Variants in ZNF385D observed in about 807,000 individuals in gnomAD.
ZNF385D encodes zinc finger protein 385D.
Under a neutral mutation model 35.8 loss-of-function variants are expected in ZNF385D, and 15 were observed. The observed-to-expected ratio is 0.42, with a 90% CI of 0.28 to 0.64. ZNF385D has a LOEUF of 0.64. ZNF385D is among the 30% of genes least tolerant of loss of function. The pLI is 0.23. For synonymous variants in ZNF385D, 212 were observed against 186.8 expected, an observed-to-expected ratio of 1.13 and a Z score of -1.10; for missense variants, 474 against 494.6, an observed-to-expected ratio of 0.96 and a Z score of 0.39.
intron 2 of ZNF385D, chr3:22,372,435 T>G: frequency 1.0e-6 from 1 of 985,466 alleles, no homozygotes; most frequent in Non-Finnish European, 1.2e-6. Context: ...ACACCTCTTT[T>G]TGCACTCAAC....
upstream of ZNF385D, among the ~76,000 whole-genome samples, chr3:21,755,937 G>A (rs1420883654): frequency 6.6e-6 from 1 of 152,200 alleles, no homozygotes; most frequent in South Asian, 2.1e-4. Context: ...CTAGAGTAGA[G>A]TAGATCTTAA....
intron 3 of ZNF385D, among the ~76,000 whole-genome samples, chr3:22,042,005 G>C (rs561385418): frequency 6.6e-6 from 1 of 152,242 alleles, no homozygotes; most frequent in Non-Finnish European, 1.5e-5. Context: ...CCTTACAAAA[G>C]TTGGAAATGT....
chr3:21,980,289 A>C (rs1576071457), intron 3 of ZNF385D, among the ~76,000 whole-genome samples: 1 of 152,286 alleles, frequency 6.6e-6, no homozygotes, highest in East Asian at 1.9e-4. Flanking sequence ...ACTTCACAAG[A>C]AACCGTGAAC....
chr3:22,060,441 T>C (rs1699631973), intron 3 of ZNF385D, among the ~76,000 whole-genome samples: 1 of 152,178 alleles, frequency 6.6e-6, no homozygotes, highest in African/African-American at 2.4e-5. Flanking sequence ...ATGAATAAAG[T>C]AATAATGAAG....
At chr3:22,193,879 G>A (rs1030573748) in intron 2 of ZNF385D, among the ~76,000 whole-genome samples, 5 of 151,978 alleles carry the variant, frequency 3.3e-5, no homozygotes, top group Admixed American at 6.6e-5. Flanking sequence ...GATTATAACC[G>A]CTTTTAGAAT....
chr3:21,815,446 TAAAG>T (rs899800183), intron 3 of ZNF385D, among the ~76,000 whole-genome samples: 5 of 151,908 alleles, frequency 3.3e-5, no homozygotes, highest in African/African-American at 1.2e-4. Flanking sequence ...GCAAGACTAA[TAAAG>T]AAGAAAAGAG....
chr3:21,771,543 GACAAAAAC>G (rs1382255159), intron 3 of ZNF385D, among the ~76,000 whole-genome samples: 1 of 151,704 alleles, frequency 6.6e-6, no homozygotes, highest in African/African-American at 2.4e-5. Flanking sequence ...AACTCTACCA[GACAAAAAC>G]TTCAACACAA....
intron 4 of ZNF385D, among the ~76,000 whole-genome samples, chr3:21,497,248 A>G (rs1327275362): frequency 6.6e-6 from 1 of 152,202 alleles, no homozygotes; most frequent in Non-Finnish European, 1.5e-5. Flanking sequence ...ATTCCTACAC[A>G]CAAACAACAT....
At chr3:21,795,046 T>G (rs1430712323) in intron 3 of ZNF385D, among the ~76,000 whole-genome samples, 2 of 152,226 alleles carry the variant, frequency 1.3e-5, no homozygotes, top group African/African-American at 4.8e-5. Flanking sequence ...TGTATCAAAT[T>G]ATTTGTACCT....
Position 21,526,004 on chromosome 3 carries a change from T to C in ZNF385D, c.277-14981A>G, listed in dbSNP as rs894519637. ...CAAGTGCACAAATATGATTAGCTTT[T>C]GCAAATTGCTCCTTATTCTGTTACT... is the stretch of plus-strand genomic sequence containing the variant. On this transcript the variant is annotated intron_variant, in intron 3 of 7. Coordinates refer to ENST00000281523, the MANE Select transcript of ZNF385D (RefSeq NM_024697.3). Among the ~76,000 whole-genome samples the C allele has an allele frequency of 3.3e-5, 5 of 152,178 alleles. No homozygotes were observed. The East Asian group carries it at 9.7e-4, about 29-fold the overall frequency.
intron 3 of ZNF385D, among the ~76,000 whole-genome samples, chr3:21,993,745 C>T (rs996498429): frequency 6.6e-6 from 1 of 152,124 alleles, no homozygotes; most frequent in Non-Finnish European, 1.5e-5. Flanking sequence ...TCCTGCAGAT[C>T]ATTTGAAGCA....
intron 2 of ZNF385D, among the ~76,000 whole-genome samples, chr3:21,610,409 T>G (rs910925409): frequency 2.0e-5 from 3 of 152,124 alleles, no homozygotes; most frequent in African/African-American, 7.2e-5. Context: ...CCATAATAGG[T>G]CTACTGTGAT....
intron 2 of ZNF385D, among the ~76,000 whole-genome samples, chr3:21,589,824 TA>T (rs999477981): frequency 6.6e-6 from 1 of 152,032 alleles, no homozygotes. Flanking sequence ...TACATACATT[TA>T]AAAAAATGTA....
intron 4 of ZNF385D, among the ~76,000 whole-genome samples, chr3:21,453,994 A>G (rs754836567): frequency 6.6e-6 from 1 of 152,150 alleles, no homozygotes; most frequent in Admixed American, 6.6e-5. Flanking sequence ...GTATTTCTAT[A>G]AATAGAATAT....
chr3:21,954,302 A>T (rs548600471), intron 3 of ZNF385D, among the ~76,000 whole-genome samples: 3 of 151,994 alleles, frequency 2.0e-5, no homozygotes, highest in South Asian at 2.1e-4. Context: ...AGCAGATGAA[A>T]TTTGTCTCTA....
intron 3 of ZNF385D, among the ~76,000 whole-genome samples, chr3:21,943,274 ATG>A (rs147366894): frequency 1.1e-3 from 163 of 149,834 alleles, no homozygotes; most frequent in Non-Finnish European, 1.6e-3. Flanking sequence ...CTATATTTGA[ATG>A]TGTGTGTGTG....
intron 3 of ZNF385D, among the ~76,000 whole-genome samples, chr3:21,787,934 T>TCTGAATTACC (rs2071761295): frequency 1.0e-5 from 1 of 97,962 alleles, no homozygotes; most frequent in African/African-American, 3.8e-5. Flanking sequence ...AGAGCGAGAC[T>TCTGAATTACC]TCGTCTCAAC....
chr3:21,675,920 C>T (rs1405564264), intron 1 of ZNF385D, among the ~76,000 whole-genome samples: 1 of 152,020 alleles, frequency 6.6e-6, no homozygotes, highest in Non-Finnish European at 1.5e-5. Context: ...TTGCATTCAA[C>T]GTAACTAATT....
At chr3:22,123,060 A>G (rs55714387) in intron 3 of ZNF385D, among the ~76,000 whole-genome samples, 38,789 of 152,108 alleles carry the variant, frequency 0.26, 5,360 homozygotes, top group African/African-American at 0.35. Context: ...TTTGAGCAAA[A>G]GAAGAATAGC....
Sources: allele counts gnomAD v4.1 joint callset (sites outside exome capture counted in the v4.1 genomes callset), GRCh38; gene constraint gnomAD v4.1.1; transcripts MANE v1.5; gene names NCBI Gene and HGNC (gene_info 2026-07-23, HGNC 2026-07-21).